The following MYO3A variants were observed in gnomAD, a reference collection of about 807,000 sequenced individuals.
MYO3A encodes myosin-IIIa.
Under a neutral mutation model 192.7 loss-of-function variants are expected in MYO3A, and 180 were observed. The ratio of observed to expected loss-of-function variants is 0.93; its 90% CI spans 0.83 to 1.06. MYO3A has a LOEUF of 1.06. MYO3A is among the 50% of genes least tolerant of loss of function. The pLI, the probability that MYO3A is intolerant of heterozygous loss-of-function variation, is 0.00. For synonymous variants in MYO3A, 628 were observed against 645.3 expected, an observed-to-expected ratio of 0.97 and a Z score of 0.41; for missense variants, 1,896 against 1,905.0, an observed-to-expected ratio of 1.00 and a Z score of 0.09.
At chr10:26,053,403 A>G (rs77902182) in intron 10 of MYO3A, among the ~76,000 whole-genome samples, 24,707 of 152,170 alleles carry the variant, frequency 0.16, 2,298 homozygotes, top group Non-Finnish European at 0.21. Context: ...AGTACAGGGT[A>G]TGTCAGTCAG....
At chr10:26,021,685 C>T (rs370268854) in intron 8 of MYO3A, 37 bp downstream of exon 8, 7 of 1,611,392 alleles carry the variant, frequency 4.3e-6, no homozygotes, top group East Asian at 4.5e-5. Context: ...ATCTGCAGCC[C>T]GATTTACTTC....
chr10:26,202,913 T>C (rs1843740289), intron 33 of MYO3A, 51 bp from the exon 34 acceptor site: 2 of 1,598,950 alleles, frequency 1.3e-6, no homozygotes, highest in Admixed American at 1.7e-5. Flanking sequence ...TAAGTTTAAG[T>C]GAGTAGAAAA....
chr10:26,129,735 G>T (rs1373921209), intron 20 of MYO3A, among the ~76,000 whole-genome samples: 3 of 152,016 alleles, frequency 2.0e-5, no homozygotes, highest in Non-Finnish European at 4.4e-5. Flanking sequence ...TTCTCACTAG[G>T]CATCTCCTTT....
chr10:25,969,274 A>C (rs1429227599), intron 4 of MYO3A, among the ~76,000 whole-genome samples: 1 of 152,148 alleles, frequency 6.6e-6, no homozygotes, highest in Non-Finnish European at 1.5e-5. Flanking sequence ...GTGTTGCTGG[A>C]ATGTTGTTAT....
intron 10 of MYO3A, among the ~76,000 whole-genome samples, chr10:26,042,833 G>A (rs965211039): frequency 2.6e-5 from 4 of 152,116 alleles, no homozygotes; most frequent in Admixed American, 6.5e-5. Context: ...TAGTTTATTT[G>A]GTGAGGTCAT....
At chr10:25,979,362 A>G (rs1026513702) in intron 4 of MYO3A, among the ~76,000 whole-genome samples, 1 of 151,860 alleles carries the variant, frequency 6.6e-6, no homozygotes, top group Admixed American at 6.6e-5. Context: ...CCATCTTACC[A>G]GGGTCACAAA....
At chr10:26,142,408 G>A (rs1161426590) in intron 20 of MYO3A, among the ~76,000 whole-genome samples, 1 of 152,192 alleles carries the variant, frequency 6.6e-6, no homozygotes, top group Non-Finnish European at 1.5e-5. Context: ...AGCCAACTGG[G>A]CACAAGCCTT....
chr10:26,053,826 A>AAAAAAAAAAG (rs145059792), intron 10 of MYO3A, among the ~76,000 whole-genome samples: 24,115 of 151,232 alleles, frequency 0.16, 2,209 homozygotes, highest in Non-Finnish European at 0.21. Flanking sequence ...CTCCGTTTCA[A>AAAAAAAAAAG]AAAAAGAAAA....
chr10:26,211,764 C>T, intron 34 of MYO3A, 79 bp from the exon 35 acceptor site: 1 of 1,595,402 alleles, frequency 6.3e-7, no homozygotes. Context: ...AGGAAGAGGA[C>T]CCGCCTAACT....
At chr10:26,015,292 T>G (rs1841927890) in intron 6 of MYO3A, among the ~76,000 whole-genome samples, 1 of 152,144 alleles carries the variant, frequency 6.6e-6, no homozygotes, top group Non-Finnish European at 1.5e-5. Flanking sequence ...CATCAGCAGC[T>G]TCTCTCTTGA....
intron 26 of MYO3A, among the ~76,000 whole-genome samples, chr10:26,159,180 C>T (rs1189950220): frequency 6.9e-6 from 1 of 145,786 alleles, no homozygotes; most frequent in Non-Finnish European, 1.5e-5. Flanking sequence ...TTAGTAGAGA[C>T]GGGGTTTCAC....
chr10:25,954,724 A>G (rs1837426363), intron 3 of MYO3A, 150 bp from the exon 4 acceptor site: 1 of 715,078 alleles, frequency 1.4e-6, no homozygotes, highest in African/African-American at 1.8e-5. Flanking sequence ...AAATTATGTA[A>G]TGAGAAATTA....
intron 14 of MYO3A, among the ~76,000 whole-genome samples, chr10:26,078,282 G>A (rs1214555680): frequency 6.6e-6 from 1 of 151,798 alleles, no homozygotes; most frequent in Non-Finnish European, 1.5e-5. Context: ...TCTAGTTTAT[G>A]TGTGTAAAGG....
At chr10:26,081,120 G>C (rs1031430994) in intron 14 of MYO3A, among the ~76,000 whole-genome samples, 3 of 130,178 alleles carry the variant, frequency 2.3e-5, no homozygotes, top group Non-Finnish European at 4.8e-5. Context: ...GAATTCCCAA[G>C]ATTATATGCC....
At chr10:26,077,233 G>GTTTTTTTTTTTTTTT (rs34464120) in intron 14 of MYO3A, among the ~76,000 whole-genome samples, 461 of 36,270 alleles carry the variant, frequency 0.013, 98 homozygotes, top group Non-Finnish European at 0.019. Flanking sequence ...TATTCCTAAG[G>GTTTTTTTTTTTTTTT]TTTTTTTTTT....
chr10:25,974,892 G>A (rs1011488913), intron 4 of MYO3A, among the ~76,000 whole-genome samples: 8 of 152,172 alleles, frequency 5.3e-5, no homozygotes, highest in African/African-American at 1.9e-4. Context: ...TATGAGGCCA[G>A]CATTATACTG....
intron 32 of MYO3A, among the ~76,000 whole-genome samples, chr10:26,198,486 TC>T (rs1459990455): frequency 6.6e-6 from 1 of 152,194 alleles, no homozygotes; most frequent in East Asian, 1.9e-4. Flanking sequence ...TCCAGTACTT[TC>T]CCTGAACTAC....
chr10:26,208,805 G>A (rs1844093711), intron 34 of MYO3A, among the ~76,000 whole-genome samples: 1 of 152,100 alleles, frequency 6.6e-6, no homozygotes, highest in Non-Finnish European at 1.5e-5. Context: ...TCCATCTGCA[G>A]GCTACGTTCT....
At chr10:26,206,065 AT>A (rs746654545) in intron 34 of MYO3A, among the ~76,000 whole-genome samples, 6,910 of 141,280 alleles carry the variant, frequency 0.049, 367 homozygotes, top group African/African-American at 0.14. Context: ...CTGAGTGCAG[AT>A]TTTTTTTTTT....
Sources: allele counts gnomAD v4.1 joint callset (sites outside exome capture counted in the v4.1 genomes callset), GRCh38; gene constraint gnomAD v4.1.1; transcripts MANE v1.5; gene names NCBI Gene and HGNC (gene_info 2026-07-23, HGNC 2026-07-21).